The following VWC2 variants were observed in gnomAD, a reference collection of about 807,000 sequenced individuals.
The protein encoded by VWC2 is brorin.
A neutral mutation model predicts 29.8 loss-of-function variants in VWC2; 14 were observed. That is an observed-to-expected ratio of 0.47 (90% CI 0.31 to 0.74). The LOEUF (loss-of-function observed/expected upper bound fraction) is 0.74, where lower values mean the gene tolerates loss of function less well. VWC2 is among the 30% of genes least tolerant of loss of function. The probability of loss-of-function intolerance (pLI) is 0.05; values close to 1 mark genes in which losing one functional copy is unlikely to be tolerated. For synonymous variants in VWC2, 213 were observed against 199.0 expected (o/e 1.07, Z -0.59); for missense variants, 457 against 459.8 (o/e 0.99, Z 0.05).
At chr7:49,783,124 T>C (rs1788214059) in intron 2 of VWC2, among the ~76,000 whole-genome samples, 1 of 152,148 alleles carries the variant, frequency 6.6e-6, no homozygotes, top group Non-Finnish European at 1.5e-5. Context: ...AAACATTACC[T>C]CCTCAGATGA....
Position 49,871,830 on chromosome 7 carries a change from C to CATACATACATGTACATGTATGCAT in VWC2, c.827-40193_827-40170dup, listed in dbSNP as rs151032817. Among the ~76,000 whole-genome samples the CATACATACATGTACATGTATGCAT allele has an allele frequency of 5.8e-3, 875 of 150,546 alleles. 70 individuals are homozygous for CATACATACATGTACATGTATGCAT. In the East Asian group the frequency reaches 0.16, roughly 27 times the overall value. ...GGGAAATTATACACCCAATCAAAGA[C>CATACATACATGTACATGTATGCAT]ATACATACATGTACATGTATGCATA... On this transcript the variant is annotated intron_variant, in intron 3 of 3. Coordinates refer to ENST00000340652, the MANE Select transcript of VWC2 (RefSeq NM_198570.5).
At chr7:49,843,460 C>T (rs1033462972) in intron 3 of VWC2, among the ~76,000 whole-genome samples, 3 of 152,184 alleles carry the variant, frequency 2.0e-5, no homozygotes, top group Non-Finnish European at 2.9e-5. Flanking sequence ...ATGAAAGGGT[C>T]TACCATTAAT....
intron 3 of VWC2, among the ~76,000 whole-genome samples, chr7:49,864,412 G>A (rs1248794211): frequency 2.0e-5 from 3 of 152,110 alleles, no homozygotes; most frequent in African/African-American, 4.8e-5. Context: ...GTTTTTTTCT[G>A]ATCATGCATC....
At chr7:49,806,319 A>G (rs1461258809) in intron 3 of VWC2, among the ~76,000 whole-genome samples, 1 of 152,222 alleles carries the variant, frequency 6.6e-6, no homozygotes, top group East Asian at 1.9e-4. Flanking sequence ...AAAAATGATA[A>G]AAGTAGGACA....
intron 3 of VWC2, among the ~76,000 whole-genome samples, chr7:49,819,475 G>C (rs551772755): frequency 2.1e-4 from 32 of 152,318 alleles, no homozygotes; most frequent in African/African-American, 7.0e-4. Flanking sequence ...GGGCCATGCT[G>C]TGCAGCCTAA....
chr7:49,814,952 A>G (rs1222842225), intron 3 of VWC2, among the ~76,000 whole-genome samples: 3 of 152,256 alleles, frequency 2.0e-5, no homozygotes, highest in Non-Finnish European at 4.4e-5. Context: ...CAGAAGCCAC[A>G]GTCCTAATCC....
At chr7:49,848,490 T>C (rs1046676692) in intron 3 of VWC2, among the ~76,000 whole-genome samples, 20 of 152,190 alleles carry the variant, frequency 1.3e-4, no homozygotes, top group African/African-American at 4.8e-4. Context: ...CTGTGGGCCA[T>C]AGGAACTGTT....
intron 3 of VWC2, among the ~76,000 whole-genome samples, chr7:49,841,696 T>G (rs1789796451): frequency 6.6e-6 from 1 of 152,250 alleles, no homozygotes; most frequent in Non-Finnish European, 1.5e-5. Context: ...TTTGCATTTC[T>G]TCTAATCATT....
intron 3 of VWC2, among the ~76,000 whole-genome samples, chr7:49,871,981 A>G: frequency 7.4e-6 from 1 of 134,874 alleles, no homozygotes. Flanking sequence ...GGAGGGAGGG[A>G]GGGTAGGAAG....
At chr7:49,803,973 A>G (rs1788809234) in intron 3 of VWC2, among the ~76,000 whole-genome samples, 1 of 152,184 alleles carries the variant, frequency 6.6e-6, no homozygotes, top group Non-Finnish European at 1.5e-5. Context: ...TGACTGTGTT[A>G]GGAATGTCAT....
chr7:49,872,625 G>A (rs1004370467), intron 3 of VWC2, among the ~76,000 whole-genome samples: 1 of 151,724 alleles, frequency 6.6e-6, no homozygotes, highest in African/African-American at 2.4e-5. Flanking sequence ...AGAATTTGGG[G>A]CTGGGCGCAG....
At chr7:49,875,168 G>A (rs1173757175) in intron 3 of VWC2, among the ~76,000 whole-genome samples, 1 of 151,718 alleles carries the variant, frequency 6.6e-6, no homozygotes, top group African/African-American at 2.4e-5. Flanking sequence ...TCAGGAGTTC[G>A]AGACTAGCCT....
At chr7:49,815,689 T>C (rs1282176000) in intron 3 of VWC2, among the ~76,000 whole-genome samples, 1 of 152,228 alleles carries the variant, frequency 6.6e-6, no homozygotes, top group Non-Finnish European at 1.5e-5. Context: ...TGCCCTGTAA[T>C]ACAATGGAGT....
intron 2 of VWC2, among the ~76,000 whole-genome samples, chr7:49,777,342 C>T (rs990031081): frequency 1.3e-5 from 2 of 152,148 alleles, no homozygotes; most frequent in Admixed American, 6.5e-5. Context: ...TGACTTGTGG[C>T]AATGAATTAT....
intron 3 of VWC2, among the ~76,000 whole-genome samples, chr7:49,891,936 A>T (rs1792147015): frequency 6.6e-6 from 1 of 152,162 alleles, no homozygotes; most frequent in Admixed American, 6.5e-5. Flanking sequence ...AAGAGTAGTA[A>T]ATAAATTTTG....
At chr7:49,793,350 G>A (rs188341456) in intron 2 of VWC2, among the ~76,000 whole-genome samples, 11 of 150,054 alleles carry the variant, frequency 7.3e-5, no homozygotes, top group African/African-American at 2.2e-4. Flanking sequence ...TTTTTTTAAT[G>A]AAATTGAAGT....
In VWC2 at chr7:49,775,366, C is replaced by T; in HGVS notation, c.-70C>T. On this transcript the variant is annotated 5_prime_UTR_variant, in exon 2 of 4. Coordinates refer to ENST00000340652, the MANE Select transcript of VWC2 (RefSeq NM_198570.5). ...GCTCCCGGCTGGCGGCGGCGCGCCC[C>T]CGGGCTGTGAATGCGACTCGCCCCT... The T allele has an allele frequency of 7.9e-7, 1 of 1,266,596 alleles. No individual in the cohort carries two copies. Among genetic ancestry groups the T allele is most frequent in the East Asian group, 3.2e-5 (1 of 31,362 alleles). 78.5% of individuals were successfully genotyped at this position (1,266,596 alleles called of 1,614,324 possible).
At chr7:49,886,548 G>A (rs2128728881) in intron 3 of VWC2, among the ~76,000 whole-genome samples, 1 of 152,052 alleles carries the variant, frequency 6.6e-6, no homozygotes, top group South Asian at 2.1e-4. Context: ...CTTATCAAAT[G>A]TCCCTATTCA....
chr7:49,877,481 A>AAAAAAAATATACATATATATAT, intron 3 of VWC2, among the ~76,000 whole-genome samples: 1 of 12,722 alleles, frequency 7.9e-5, no homozygotes, highest in African/African-American at 2.8e-4. Flanking sequence ...AAAAAAAAAA[A>AAAAAAAATATACATATATATAT]ATATATATAT....
Sources: gnomAD v4.1 joint callset for allele counts (sites outside exome capture counted in the v4.1 genomes callset) on GRCh38, gnomAD v4.1.1 for gene constraint, MANE v1.5 for transcripts, NCBI Gene and HGNC (gene_info 2026-07-23, HGNC 2026-07-21) for gene names.